The following TNR variants were observed in gnomAD, a reference collection of about 807,000 sequenced individuals.
TNR encodes the protein tenascin-R.
Under a neutral mutation model 150.4 loss-of-function variants are expected in TNR, and 45 were observed. The observed-to-expected ratio is 0.30, with a 90% CI of 0.24 to 0.38. The LOEUF is 0.38. Among genes scored for constraint, TNR ranks in the 10% least tolerant of loss-of-function variants. The pLI is 1.00. For missense variants in TNR, 1,544 were observed against 1,759.1 expected, an observed-to-expected ratio of 0.88 and a Z score of 2.19; for synonymous variants, 687 against 678.4, an observed-to-expected ratio of 1.01 and a Z score of -0.20.
intron 1 of TNR, among the ~76,000 whole-genome samples, chr1:175,557,150 C>A (rs139449941): frequency 3.9e-5 from 6 of 152,146 alleles, no homozygotes; most frequent in African/African-American, 1.4e-4. Flanking sequence ...GAAATGAATT[C>A]GCTAACAACC....
At chr1:175,428,440 C>A (rs1655111356) in intron 2 of TNR, among the ~76,000 whole-genome samples, 1 of 152,138 alleles carries the variant, frequency 6.6e-6, no homozygotes. Context: ...ACAGGACTTG[C>A]AGCTGACATT....
At chr1:175,371,016 T>A (rs1652076830) in intron 9 of TNR, among the ~76,000 whole-genome samples, 1 of 151,506 alleles carries the variant, frequency 6.6e-6, no homozygotes, top group East Asian at 1.9e-4. Context: ...CTTTCTTCCA[T>A]GCTACAAGTG....
In TNR at chr1:175,321,260, A is replaced by C. The variant is rs1222024119; in HGVS notation, c.*2097T>G. The C allele has an allele frequency of 1.3e-5, 2 of 152,190 alleles. No individual in the cohort carries two copies. Among genetic ancestry groups the C allele is most frequent in the Non-Finnish European group, 2.9e-5 (2 of 68,044 alleles). 9.4% of individuals were successfully genotyped at this position (152,190 alleles called of 1,614,324 possible). A position where few individuals can be genotyped will look rare whatever the true frequency, so the allele number is the denominator to read the frequency against. On this transcript the variant is annotated 3_prime_UTR_variant, in exon 23 of 23. Transcript: ENST00000367674. ...TCAGGGTTATGCCTGTCACATCCAC[A>C]CTGCCGCAGTGAACAAAGCCTAGAA...
chr1:175,535,814 G>A (rs1660259870), intron 1 of TNR, among the ~76,000 whole-genome samples: 2 of 152,014 alleles, frequency 1.3e-5, no homozygotes, highest in Admixed American at 6.6e-5. Context: ...CTTATCCTGG[G>A]GTTCACAGAG....
chr1:175,612,369 A>G (rs1663625438), intron 1 of TNR, among the ~76,000 whole-genome samples: 1 of 152,204 alleles, frequency 6.6e-6, no homozygotes, highest in Non-Finnish European at 1.5e-5. Flanking sequence ...TTGCAAAGGC[A>G]GCCCCTTGTC....
chr1:175,638,824 G>T (rs1488361596), intron 1 of TNR, among the ~76,000 whole-genome samples: 2 of 152,082 alleles, frequency 1.3e-5, no homozygotes, highest in African/African-American at 4.8e-5. Context: ...TTGGCATCTA[G>T]AATTTTTTTT....
chr1:175,670,539 A>T (rs1271606033), intron 1 of TNR, among the ~76,000 whole-genome samples: 4 of 152,228 alleles, frequency 2.6e-5, no homozygotes, highest in Admixed American at 2.6e-4. Flanking sequence ...TTTAGTGAGC[A>T]CTTACCAGGT....
chr1:175,453,756 A>G (rs1300703908), intron 2 of TNR, among the ~76,000 whole-genome samples: 3 of 152,044 alleles, frequency 2.0e-5, no homozygotes, highest in African/African-American at 4.8e-5. Context: ...AGTTTTTTTT[A>G]GAGACTATGT....
chr1:175,495,652 G>T (rs1658456877), intron 2 of TNR, among the ~76,000 whole-genome samples: 1 of 152,168 alleles, frequency 6.6e-6, no homozygotes, highest in Admixed American at 6.5e-5. Flanking sequence ...CTCTCTAGCT[G>T]GACTACATGG....
At chr1:175,442,259 AGCAGGAAGCAGG>A (rs529572136) in intron 2 of TNR, among the ~76,000 whole-genome samples, 2 of 152,222 alleles carry the variant, frequency 1.3e-5, no homozygotes, top group South Asian at 4.2e-4. Context: ...TGCTGTGAAA[AGCAGGAAGCAGG>A]GCATGTAAAC....
intron 1 of TNR, among the ~76,000 whole-genome samples, chr1:175,582,688 C>T (rs1279036433): frequency 6.6e-6 from 1 of 152,174 alleles, no homozygotes; most frequent in Non-Finnish European, 1.5e-5. Context: ...AGGACCACAC[C>T]ACTATGGAGA....
chr1:175,471,535 G>T (rs913515971), intron 2 of TNR, among the ~76,000 whole-genome samples: 2 of 152,174 alleles, frequency 1.3e-5, no homozygotes, highest in Admixed American at 1.3e-4. Flanking sequence ...AAATATTTGT[G>T]TCTCTAAACA....
At chr1:175,594,147 G>A (rs1662916463) in intron 1 of TNR, among the ~76,000 whole-genome samples, 1 of 152,056 alleles carries the variant, frequency 6.6e-6, no homozygotes, top group African/African-American at 2.4e-5. Context: ...AGAGAAGGTG[G>A]GTGTACCAAT....
At chr1:175,634,046 A>T (rs183836285) in intron 1 of TNR, among the ~76,000 whole-genome samples, 17 of 152,248 alleles carry the variant, frequency 1.1e-4, no homozygotes, top group African/African-American at 3.4e-4. Context: ...AACCCCATGA[A>T]GTCACTGTCA....
rs144124273 is a variant in TNR at position 175,482,343 on chromosome 1, T to C, written c.-64+45926A>G. ...CTTCCCAGACTTTGCCTTTGTGGCC[T>C]GGCTAGGAGACCGGAAGGGATAAAA... On this transcript the variant is annotated intron_variant, in intron 2 of 22. Coordinates refer to ENST00000367674, the MANE Select transcript of TNR (RefSeq NM_003285.3). Among the ~76,000 whole-genome samples the C allele has an allele frequency of 9.8e-4, 149 of 152,334 alleles. 1 individual carries two copies. The highest frequency in any genetic ancestry group is 3.5e-3 in the African/African-American group (146 of 41,584).
intron 2 of TNR, among the ~76,000 whole-genome samples, chr1:175,424,629 C>A (rs2102064773): frequency 6.6e-6 from 1 of 152,288 alleles, no homozygotes; most frequent in South Asian, 2.1e-4. Context: ...AACAGCAGGG[C>A]CCTTGGGCCA....
At chr1:175,485,741 G>A (rs950768620) in intron 2 of TNR, among the ~76,000 whole-genome samples, 4 of 152,154 alleles carry the variant, frequency 2.6e-5, no homozygotes, top group Non-Finnish European at 5.9e-5. Context: ...AAGGGATTTA[G>A]TATAATGTTT....
chr1:175,521,789 C>T (rs1299575228), intron 2 of TNR, among the ~76,000 whole-genome samples: 3 of 152,170 alleles, frequency 2.0e-5, no homozygotes, highest in African/African-American at 7.2e-5. Context: ...GTCTCCTCCT[C>T]TCCCATGAAC....
At chr1:175,488,923 C>G (rs1303846570) in intron 2 of TNR, among the ~76,000 whole-genome samples, 1 of 152,294 alleles carries the variant, frequency 6.6e-6, no homozygotes, top group East Asian at 1.9e-4. Flanking sequence ...AGTAAAGGAA[C>G]AGTAATCCTG....
Sources: gnomAD v4.1 joint callset for allele counts (sites outside exome capture counted in the v4.1 genomes callset) on GRCh38, gnomAD v4.1.1 for gene constraint, MANE v1.5 for transcripts, NCBI Gene and HGNC (gene_info 2026-07-23, HGNC 2026-07-21) for gene names.